The following WDR7 variants were observed in gnomAD, a reference collection of about 807,000 sequenced individuals.
WDR7 encodes the protein WD repeat domain 7, also known as WD repeat-containing protein 7.
A neutral mutation model predicts 169.4 loss-of-function variants in WDR7; 46 were observed. The observed-to-expected ratio is 0.27, with a 90% CI of 0.21 to 0.35. WDR7 has a LOEUF of 0.35. Among genes scored for constraint, WDR7 ranks in the 10% least tolerant of loss-of-function variants. WDR7 has a pLI of 1.00. For missense variants in WDR7, 1,534 were observed against 1,859.3 expected (o/e 0.83, Z 3.22); for synonymous variants, 612 against 666.8 (o/e 0.92, Z 1.27).
At chr18:56,841,808 ACT>A (rs1230348187) in intron 20 of WDR7, among the ~76,000 whole-genome samples, 1 of 151,880 alleles carries the variant, frequency 6.6e-6, no homozygotes, top group African/African-American at 2.4e-5. Context: ...AACAGTACAG[ACT>A]CCAGAGTTAG....
chr18:56,772,907 A>C (rs1686037862), intron 16 of WDR7, among the ~76,000 whole-genome samples: 1 of 152,058 alleles, frequency 6.6e-6, no homozygotes, highest in South Asian at 2.1e-4. Flanking sequence ...TATAGAAGTA[A>C]ATGCTGTAAG....
intron 14 of WDR7, among the ~76,000 whole-genome samples, chr18:56,732,940 C>T (rs1464985523): frequency 6.6e-6 from 1 of 151,998 alleles, no homozygotes; most frequent in Non-Finnish European, 1.5e-5. Context: ...ATGGTATCCC[C>T]TAGAAGTAAA....
intron 20 of WDR7, among the ~76,000 whole-genome samples, chr18:56,867,191 A>G (rs936743587): frequency 6.6e-6 from 1 of 151,556 alleles, no homozygotes; most frequent in African/African-American, 2.4e-5. Context: ...CACCTGGCTA[A>G]TTTTTTTTAT....
At chr18:57,026,898 T>C (rs1308352807) in intron 27 of WDR7, 106 bp from the exon 28 acceptor site, 11 of 1,179,204 alleles carry the variant, frequency 9.3e-6, no homozygotes, top group Non-Finnish European at 1.3e-5. Context: ...TGAAGGAGAA[T>C]AACCATGATG....
chr18:56,872,088 G>T (rs2045960562), intron 20 of WDR7, among the ~76,000 whole-genome samples: 1 of 149,574 alleles, frequency 6.7e-6, no homozygotes, highest in Admixed American at 6.6e-5. Context: ...ATCAATATAT[G>T]GCTCAATAGC....
chr18:56,894,082 A>C lies in WDR7; in HGVS notation c.3526+13917A>C, dbSNP rs144603256. ...TTCTCTGACATAACACATCTAATCTATCAAGTATATCTTATTGGGTCTACT... is the reference window on the plus strand; with the variant it reads ...TTCTCTGACATAACACATCTAATCTCTCAAGTATATCTTATTGGGTCTACT... On this transcript the variant is annotated intron_variant, in intron 21 of 27. Transcript: ENST00000254442. Among the ~76,000 whole-genome samples the C allele has an allele frequency of 8.0e-3, 1,214 of 152,100 alleles. 9 individuals carry two copies. Among genetic ancestry groups the C allele is most frequent in the Non-Finnish European group, 0.013 (867 of 67,984 alleles).
rs116920404 is a variant in WDR7 at position 56,849,886 on chromosome 18, T to A, written c.3305-30058T>A. ...TTATGCCTGGCCCTGTAACTTTTTA[T>A]CCCACCTGAGACTAAGACTTGGACT... On this transcript the variant is annotated intron_variant, in intron 20 of 27. Transcript: ENST00000254442. Among the ~76,000 whole-genome samples the A allele has an allele frequency of 2.0e-3, 307 of 152,310 alleles. 6 individuals are homozygous for A. In the East Asian group the frequency reaches 0.052, roughly 26 times the overall value.
At chr18:57,021,269 T>C (rs1202313103) in intron 27 of WDR7, among the ~76,000 whole-genome samples, 1 of 151,956 alleles carries the variant, frequency 6.6e-6, no homozygotes, top group Non-Finnish European at 1.5e-5. Context: ...GGTGCATGAG[T>C]AGCCGTGAGC....
chr18:56,691,877 T>C, intron 9 of WDR7, 60 bp downstream of exon 9: 1 of 1,349,166 alleles, frequency 7.4e-7, no homozygotes, highest in Non-Finnish European at 1.0e-6. Context: ...TCTACAACTG[T>C]ATTTATTGTC....
intron 2 of WDR7, among the ~76,000 whole-genome samples, chr18:56,674,179 T>A (rs2025195190): frequency 6.6e-6 from 1 of 152,216 alleles, no homozygotes; most frequent in African/African-American, 2.4e-5. Flanking sequence ...GGTAGGTACC[T>A]CTATGTTTAA....
intron 26 of WDR7, among the ~76,000 whole-genome samples, chr18:57,004,454 G>A (rs140222028): frequency 2.6e-3 from 396 of 152,166 alleles, no homozygotes; most frequent in African/African-American, 8.2e-3. Context: ...ACAACATTAA[G>A]AATTCTCTTG....
At chr18:56,722,442 AT>A (rs544375008) in intron 13 of WDR7, among the ~76,000 whole-genome samples, 23 of 152,216 alleles carry the variant, frequency 1.5e-4, no homozygotes, top group Middle Eastern at 3.4e-3. Context: ...TAGATCTTAC[AT>A]TTGTATTTCA....
At chr18:57,015,716 G>A (rs2048196635) in intron 26 of WDR7, among the ~76,000 whole-genome samples, 1 of 152,180 alleles carries the variant, frequency 6.6e-6, no homozygotes, top group African/African-American at 2.4e-5. Flanking sequence ...TGAGAGAGAT[G>A]CCAAACGTAC....
At chr18:56,823,565 G>A (rs1464850823) in intron 20 of WDR7, among the ~76,000 whole-genome samples, 2 of 152,076 alleles carry the variant, frequency 1.3e-5, no homozygotes, top group Non-Finnish European at 2.9e-5. Context: ...CAGCCTGGGC[G>A]ACAGAGCAAG....
chr18:56,686,440 T>TA (rs1267994111), intron 6 of WDR7, among the ~76,000 whole-genome samples: 9 of 152,308 alleles, frequency 5.9e-5, no homozygotes, highest in Middle Eastern at 3.4e-3. Context: ...TTCTTTTTTT[T>TA]ATCAATGAGA....
chr18:56,812,526 C>G (rs1007007488), intron 19 of WDR7, among the ~76,000 whole-genome samples: 1 of 152,152 alleles, frequency 6.6e-6, no homozygotes, highest in Non-Finnish European at 1.5e-5. Flanking sequence ...TGGAATGTCC[C>G]AGGATAGGCC....
intron 13 of WDR7, among the ~76,000 whole-genome samples, chr18:56,730,718 A>T (rs905846316): frequency 1.3e-5 from 2 of 152,194 alleles, no homozygotes; most frequent in Non-Finnish European, 2.9e-5. Context: ...GTGAGCCAAG[A>T]TCGCGCCATT....
chr18:57,033,122 T>G (rs1415488738), downstream of WDR7: 1 of 152,146 alleles, frequency 6.6e-6, no homozygotes, highest in East Asian at 1.9e-4. Context: ...TTTATTTTCC[T>G]CTTGCTGATG....
chr18:56,792,617 T>TG (rs2044509783), intron 19 of WDR7, among the ~76,000 whole-genome samples: 1 of 151,762 alleles, frequency 6.6e-6, no homozygotes, highest in African/African-American at 2.4e-5. Context: ...TCTTTGTTTT[T>TG]TTTTTTTTTT....
Sources: allele counts gnomAD v4.1 joint callset (sites outside exome capture counted in the v4.1 genomes callset), GRCh38; gene constraint gnomAD v4.1.1; transcripts MANE v1.5; gene names NCBI Gene and HGNC (gene_info 2026-07-23, HGNC 2026-07-21).